Variants in TRIM37 observed in about 807,000 individuals in gnomAD.
TRIM37 encodes E3 ubiquitin-protein ligase TRIM37.
A neutral mutation model predicts 129.8 loss-of-function variants in TRIM37; 80 were observed. The ratio of observed to expected loss-of-function variants is 0.62; its 90% confidence interval spans 0.51 to 0.74. TRIM37 has a LOEUF of 0.74. TRIM37 is among the 30% of genes least tolerant of loss of function. The pLI, the probability that TRIM37 is intolerant of heterozygous loss-of-function variation, is 0.00. For synonymous variants in TRIM37, 389 were observed against 387.1 expected (o/e 1.00, Z -0.06); for missense variants, 1,054 against 1,176.5 (o/e 0.90, Z 1.52).
At chr17:58,992,099 C>T (rs1370837547) in intron 24 of TRIM37, among the ~76,000 whole-genome samples, 1 of 151,650 alleles carries the variant, frequency 6.6e-6, no homozygotes, top group African/African-American at 2.4e-5. Flanking sequence ...TCACAGAACT[C>T]AGAAATGCAC....
At chr17:59,033,604 G>T (rs1769412858) in intron 17 of TRIM37, among the ~76,000 whole-genome samples, 1 of 151,874 alleles carries the variant, frequency 6.6e-6, no homozygotes, top group Non-Finnish European at 1.5e-5. Flanking sequence ...ATTTTCAGTA[G>T]ATACGGGGTT....
rs185485757 is a variant in TRIM37, at chr17:59,053,674, A to C, written c.1200-2346T>G. ...GGTCTTTTATAGGTTGGTAAAATTG[A>C]TGTTTGAATAATTTTGTAATTCTCT... On this transcript the variant is annotated intron_variant, in intron 13 of 23. Coordinates refer to ENST00000262294, the MANE Select transcript of TRIM37 (RefSeq NM_015294.6). Among the ~76,000 whole-genome samples the C allele has an allele frequency of 6.4e-4, 97 of 152,342 alleles. 1 individual carries two copies. Among genetic ancestry groups the C allele is most frequent in the African/African-American group, 2.3e-3 (96 of 41,574 alleles).
At chr17:59,058,806 G>T (rs934824799) in intron 12 of TRIM37, among the ~76,000 whole-genome samples, 2 of 152,140 alleles carry the variant, frequency 1.3e-5, no homozygotes, top group South Asian at 2.1e-4. Context: ...TGAGGCTGCA[G>T]TGAGCCATAA....
intron 19 of TRIM37, among the ~76,000 whole-genome samples, chr17:59,018,714 G>C (rs960248859): frequency 9.9e-5 from 15 of 151,002 alleles, no homozygotes; most frequent in Non-Finnish European, 1.8e-4. Flanking sequence ...TAAAATAATA[G>C]TAGCTGTGTT....
the TRIM37 span, among the ~76,000 whole-genome samples, chr17:58,968,391 C>T: frequency 6.6e-6 from 1 of 152,054 alleles, no homozygotes; most frequent in African/African-American, 2.4e-5. Flanking sequence ...TGCCACTGTA[C>T]CCTAGCCTGG....
At position 59,012,333 on chromosome 17, in the gene TRIM37, T is replaced by G; in HGVS notation, c.2690A>C (p.Glu897Ala). 6.8e-6 allele frequency: 11 copies of G among 1,607,142 alleles called. No homozygotes were observed. Among genetic ancestry groups the G allele is most frequent in the Non-Finnish European group, 9.4e-6 (11 of 1,174,524 alleles). Residue 897 changes from glutamate to alanine, a missense_variant, in exon 22 of 24, where the codon GAA becomes GCA. Glu to Ala is a moderately radical substitution (Grantham distance 107). Transcript: ENST00000262294. ...ATAAGTTTATCATTCCTTACCTTCTTCAGGGGCAGCTGAAGCTCCTTCAGG... is the reference window on the plus strand; with the variant it reads ...ATAAGTTTATCATTCCTTACCTTCTGCAGGGGCAGCTGAAGCTCCTTCAGG... The part of the protein sequence containing the change: ...VLPEGASAAP[E>A]EGMSSDSDIE...
intron 17 of TRIM37, among the ~76,000 whole-genome samples, chr17:59,039,227 C>T (rs554480778): frequency 1.1e-4 from 16 of 152,134 alleles, no homozygotes; most frequent in South Asian, 4.1e-4. Context: ...CCTGCTGAAT[C>T]GATTTAGTTG....
rs760451407 is a variant in TRIM37 at position 59,106,482 on chromosome 17, G to GCCGCTGGCGAC, written c.-32_-22dup. The GCCGCTGGCGAC allele has an allele frequency of 2.6e-5, 42 of 1,613,414 alleles. No homozygotes were observed. The highest frequency in any genetic ancestry group is 3.0e-5 in the Non-Finnish European group (35 of 1,179,780). ...TCCATTGCCTCCGGCTCTCGGCGGGGCCGCTGGCGACCCGCAGGCTCCGCA... is the reference window on the plus strand; with the variant it reads ...TCCATTGCCTCCGGCTCTCGGCGGGGCCGCTGGCGACCCGCTGGCGACCCGCAGGCTCCGCA... On this transcript the variant is annotated 5_prime_UTR_variant, in exon 1 of 24. Transcript: ENST00000262294.
intron 24 of TRIM37, among the ~76,000 whole-genome samples, chr17:58,987,510 G>C (rs565994835): frequency 6.6e-6 from 1 of 152,336 alleles, no homozygotes; most frequent in African/African-American, 2.4e-5. Context: ...TTTAGAAAGA[G>C]AGCAGCCCGT....
chr17:58,969,802 T>C, the TRIM37 span: 2 of 1,373,164 alleles, frequency 1.5e-6, no homozygotes, highest in Non-Finnish European at 2.0e-6. Flanking sequence ...GTTAAAGGGC[T>C]ATTTAGATTT....
intron 22 of TRIM37, among the ~76,000 whole-genome samples, chr17:59,002,872 CT>C (rs1339354945): frequency 1.5e-4 from 23 of 151,948 alleles, no homozygotes; most frequent in Non-Finnish European, 1.2e-4. Flanking sequence ...ACTCCACCCC[CT>C]GCATAATGTT....
In TRIM37 at chr17:59,079,775, T is replaced by C; in HGVS notation, c.595A>G (p.Asn199Asp). The part of the protein sequence containing the change: ...MIARLDTQLK[N>D]KLITLMGQKT... Reference sequence around the variant, plus strand: ...TTACCCATCAGTGTTATAAGCTTATTCTTCAGCTGTGTGTCTAACCGTGCA... The same window carrying C: ...TTACCCATCAGTGTTATAAGCTTATCCTTCAGCTGTGTGTCTAACCGTGCA... The change falls in exon 7 of 24, where the codon AAT (asparagine) becomes GAT (aspartate). Residue 199 changes from asparagine (N) to aspartate (D), a missense_variant. Asn to Asp is a conservative substitution (Grantham distance 23). Around this residue, in one of 3 missense-constraint regions of TRIM37, gnomAD observed 752 missense variants for 870.8 expected, o/e 0.86. Transcript: ENST00000262294. The C allele has an allele frequency of 6.2e-7, 1 of 1,614,030 alleles. No homozygotes were observed. Among genetic ancestry groups the C allele is most frequent in the Non-Finnish European group, 8.5e-7 (1 of 1,179,936 alleles).
chr17:59,049,970 T>C (rs888325727), intron 14 of TRIM37, among the ~76,000 whole-genome samples: 3 of 152,192 alleles, frequency 2.0e-5, no homozygotes, highest in African/African-American at 2.4e-5. Context: ...AAATAGCACA[T>C]TTAACATGAA....
At position 59,015,598 on chromosome 17, in the gene TRIM37, A is replaced by T. The variant is rs779137080; in HGVS notation, c.2576+12T>A. 1 of 1,613,846 alleles carries T rather than the reference A, an allele frequency of 6.2e-7. No individual in the cohort carries two copies. The highest frequency in any genetic ancestry group is 8.5e-7 in the Non-Finnish European group (1 of 1,179,912). On this transcript the variant is annotated intron_variant, in intron 21 of 23. Transcript: ENST00000262294. Reference sequence around the variant, plus strand: ...TATTATACCATTACATATACAAAACAACTTAATTTACCCCAAGGTGACCAT... The same window carrying T: ...TATTATACCATTACATATACAAAACTACTTAATTTACCCCAAGGTGACCAT...
chr17:59,012,758 T>G (rs1033614069), intron 21 of TRIM37, among the ~76,000 whole-genome samples: 1 of 151,694 alleles, frequency 6.6e-6, no homozygotes, highest in African/African-American at 2.4e-5. Flanking sequence ...GCGCCTGTAA[T>G]CCCAGCTACT....
At chr17:59,057,132 C>T in intron 12 of TRIM37, 78 bp from the exon 13 acceptor site, 1 of 1,272,188 alleles carries the variant, frequency 7.9e-7, no homozygotes, top group East Asian at 2.4e-5. Flanking sequence ...ACATTAAGGT[C>T]ACTAAGTAAT....
chr17:59,006,745 C>T (rs1266819588), intron 22 of TRIM37, among the ~76,000 whole-genome samples: 4 of 152,124 alleles, frequency 2.6e-5, no homozygotes, highest in East Asian at 1.9e-4. Flanking sequence ...AAAAATTAGC[C>T]GGGCATGGCA....
chr17:59,050,381 A>T (rs2040219930), intron 14 of TRIM37, among the ~76,000 whole-genome samples: 1 of 152,204 alleles, frequency 6.6e-6, no homozygotes, highest in South Asian at 2.1e-4. Context: ...AAGGAACTAA[A>T]TTTTTAATTT....
intron 16 of TRIM37, among the ~76,000 whole-genome samples, chr17:59,042,445 A>ATATATAT (rs1220676334): frequency 2.6e-3 from 103 of 40,202 alleles, no homozygotes; most frequent in African/African-American, 7.6e-3. Flanking sequence ...AAAAAAAAAA[A>ATATATAT]AAAAATATAT....
Sources: gnomAD v4.1 joint callset for allele counts (sites outside exome capture counted in the v4.1 genomes callset) on GRCh38, gnomAD v4.1.1 for gene constraint, gnomAD v4.1.1 regional missense constraint, MANE v1.5 for transcripts, NCBI Gene and HGNC (gene_info 2026-07-23, HGNC 2026-07-21) for gene names.